AGBL4: variants seen among roughly 807,000 people sequenced by gnomAD.
AGBL4 encodes the protein AGBL carboxypeptidase 4.
AGBL4 carries 58 observed loss-of-function variants against 66.4 expected under a neutral mutation model. The ratio of observed to expected loss-of-function variants is 0.87; its 90% CI spans 0.71 to 1.09. AGBL4 has a LOEUF of 1.09. AGBL4 is among the 50% of genes least tolerant of loss of function. The probability of loss-of-function intolerance (pLI) is 0.00; values close to 1 mark genes in which losing one functional copy is unlikely to be tolerated. For synonymous variants in AGBL4, 234 were observed against 222.9 expected (o/e 1.05, Z -0.44); for missense variants, 579 against 631.0 (o/e 0.92, Z 0.88).
chr1:49,038,872 A>G (rs933679141), intron 5 of AGBL4, among the ~76,000 whole-genome samples: 9 of 152,148 alleles, frequency 5.9e-5, no homozygotes, highest in African/African-American at 2.2e-4. Context: ...GGAGCTGAAA[A>G]TGTATGCCCA....
At chr1:49,690,094 G>A (rs1297681835) in intron 3 of AGBL4, among the ~76,000 whole-genome samples, 1 of 152,168 alleles carries the variant, frequency 6.6e-6, no homozygotes, top group Admixed American at 6.5e-5. Context: ...CAGCCAAAAA[G>A]ATTAAGACTC....
intron 1 of AGBL4, among the ~76,000 whole-genome samples, chr1:49,951,932 T>A (rs1361263963): frequency 6.6e-6 from 1 of 151,652 alleles, no homozygotes; most frequent in Non-Finnish European, 1.5e-5. Flanking sequence ...AAAAGCTGAA[T>A]TTCAGAGGGA....
At chr1:49,080,323 G>A (rs1241958867) in intron 4 of AGBL4, among the ~76,000 whole-genome samples, 4 of 152,160 alleles carry the variant, frequency 2.6e-5, no homozygotes, top group Non-Finnish European at 4.4e-5. Flanking sequence ...ATGGTACCCA[G>A]AGGTTAGAGA....
chr1:48,944,155 T>C lies in AGBL4; in HGVS notation c.595-76925A>G, dbSNP rs570903524. Among the ~76,000 whole-genome samples, 13 of 152,236 alleles carry C rather than the reference T, an allele frequency of 8.5e-5. No individual in the cohort carries two copies. In the South Asian group the frequency reaches 2.1e-3, roughly 24 times the overall value. ...ATAGTCAAGGTAACAGCATAATACA[T>C]GACAGCATGGAAGGAAGCTCAGATG... is the stretch of plus-strand genomic sequence containing the variant. On this transcript the variant is annotated intron_variant, in intron 5 of 13. Coordinates refer to ENST00000371839, the MANE Select transcript of AGBL4 (RefSeq NM_032785.4).
In AGBL4 at chr1:49,906,055, G is replaced by A. The variant is rs142110975; in HGVS notation, c.35-54537C>T. Among the ~76,000 whole-genome samples the A allele has an allele frequency of 3.4e-3, 514 of 151,368 alleles. 1 individual carries two copies. Among genetic ancestry groups the A allele is most frequent in the African/African-American group, 0.012 (483 of 41,248 alleles). On this transcript the variant is annotated intron_variant, in intron 1 of 13. Coordinates refer to ENST00000371839, the MANE Select transcript of AGBL4 (RefSeq NM_032785.4). Reference sequence around the variant, plus strand: ...TTGAGCAGATTATGTAGCCATTGTTGCTAGTATTATTTCAAATCTTGACAG... The same window carrying A: ...TTGAGCAGATTATGTAGCCATTGTTACTAGTATTATTTCAAATCTTGACAG...
At chr1:49,881,523 T>A (rs1441660189) in intron 1 of AGBL4, among the ~76,000 whole-genome samples, 1 of 149,864 alleles carries the variant, frequency 6.7e-6, no homozygotes, top group African/African-American at 2.5e-5. Context: ...AGTGTTCCTA[T>A]TTCTCCACAT....
At chr1:49,830,276 G>A (rs1393904081) in intron 2 of AGBL4, among the ~76,000 whole-genome samples, 1 of 151,624 alleles carries the variant, frequency 6.6e-6, no homozygotes, top group Non-Finnish European at 1.5e-5. Context: ...TCTCCAGCAT[G>A]TTATCTCCTG....
At chr1:49,637,595 G>A (rs1037127134) in intron 3 of AGBL4, among the ~76,000 whole-genome samples, 3 of 151,934 alleles carry the variant, frequency 2.0e-5, no homozygotes, top group East Asian at 1.9e-4. Flanking sequence ...GAGCCAACAC[G>A]CCCAGCCAGC....
At chr1:49,770,764 A>C (rs1280489611) in intron 2 of AGBL4, among the ~76,000 whole-genome samples, 2 of 151,948 alleles carry the variant, frequency 1.3e-5, no homozygotes, top group African/African-American at 4.8e-5. Flanking sequence ...TCAGGAATTT[A>C]TTCATTTCGT....
intron 1 of AGBL4, among the ~76,000 whole-genome samples, chr1:49,872,070 T>G (rs773887733): frequency 9.2e-5 from 14 of 152,092 alleles, no homozygotes; most frequent in Admixed American, 1.3e-4. Context: ...TTACACAAAC[T>G]GAATTAACAG....
chr1:49,462,397 A>G (rs577814066), intron 3 of AGBL4, among the ~76,000 whole-genome samples: 2 of 151,868 alleles, frequency 1.3e-5, no homozygotes, highest in South Asian at 4.1e-4. Flanking sequence ...GAGAGTGAGG[A>G]ACCACACTGA....
At chr1:49,508,616 C>T (rs944174178) in intron 3 of AGBL4, among the ~76,000 whole-genome samples, 3 of 151,960 alleles carry the variant, frequency 2.0e-5, no homozygotes, top group Non-Finnish European at 4.4e-5. Context: ...TGGCTTGGAA[C>T]TCTGACCTAG....
chr1:49,787,756 A>C (rs746336869), intron 2 of AGBL4, among the ~76,000 whole-genome samples: 3 of 152,158 alleles, frequency 2.0e-5, no homozygotes, highest in Non-Finnish European at 4.4e-5. Context: ...AGCTTCTAAA[A>C]GCACTTTCCC....
chr1:48,810,217 C>G (rs142306484), intron 6 of AGBL4, among the ~76,000 whole-genome samples: 1 of 152,226 alleles, frequency 6.6e-6, no homozygotes, highest in Non-Finnish European at 1.5e-5. Context: ...TGCTTCTGAT[C>G]TGGGGATACA....
intron 11 of AGBL4, among the ~76,000 whole-genome samples, chr1:48,564,446 C>T (rs567078635): frequency 8.0e-5 from 12 of 150,638 alleles, no homozygotes; most frequent in African/African-American, 2.9e-4. Flanking sequence ...CATGGGGGCT[C>T]CTGGATGCTC....
At chr1:49,530,908 T>G (rs1651088880) in intron 3 of AGBL4, among the ~76,000 whole-genome samples, 1 of 152,056 alleles carries the variant, frequency 6.6e-6, no homozygotes, top group Admixed American at 6.6e-5. Flanking sequence ...TTTCTGTGCT[T>G]CTGTTGTCTT....
intron 3 of AGBL4, among the ~76,000 whole-genome samples, chr1:49,320,263 A>G (rs566467504): frequency 6.6e-6 from 1 of 150,674 alleles, no homozygotes; most frequent in South Asian, 2.1e-4. Context: ...TTTTGAAGGG[A>G]AAAAAAAAAT....
At chr1:49,321,215 T>C (rs1439467034) in intron 3 of AGBL4, among the ~76,000 whole-genome samples, 1 of 152,168 alleles carries the variant, frequency 6.6e-6, no homozygotes, top group African/African-American at 2.4e-5. Flanking sequence ...CAGGCCCAGA[T>C]TTACTGCCTG....
chr1:48,579,706 C>T (rs1159041556), intron 11 of AGBL4, among the ~76,000 whole-genome samples: 1 of 147,666 alleles, frequency 6.8e-6, no homozygotes, highest in East Asian at 2.1e-4. Flanking sequence ...GTCAGGAGAT[C>T]GAGACCATCC....
Sources: allele counts gnomAD v4.1 joint callset (sites outside exome capture counted in the v4.1 genomes callset), GRCh38; gene constraint gnomAD v4.1.1; transcripts MANE v1.5; gene names NCBI Gene and HGNC (gene_info 2026-07-23, HGNC 2026-07-21).